The following CEACAM16 variants were observed in gnomAD, a reference collection of about 807,000 sequenced individuals.
The protein encoded by CEACAM16 is CEA cell adhesion molecule 16, tectorial membrane component, also known as cell adhesion molecule CEACAM16.
CEACAM16 carries 30 observed loss-of-function variants against 39.4 expected under a neutral mutation model. The observed-to-expected ratio is 0.76, with a 90% CI of 0.57 to 1.03. The LOEUF is 1.03. Ranked by LOEUF, CEACAM16 falls within the 50% of genes least tolerant of loss-of-function variation. CEACAM16 has a pLI of 0.00. For missense variants in CEACAM16, 521 were observed against 585.3 expected (o/e 0.89, Z 1.13); for synonymous variants, 262 against 264.9 (o/e 0.99, Z 0.11).
chr19:44,710,429 C>T lies in CEACAM16; in HGVS notation c.1268-67C>T, dbSNP rs57684876. 396,133 of 1,560,570 alleles carry T rather than the reference C, an allele frequency of 0.25. 53,194 individuals carry two copies. The highest frequency in any genetic ancestry group is 0.4 in the African/African-American group (29,781 of 73,824). ...GGCAGGGGAGCAGAAGGGGTGGGGG[C>T]ACTGGGGACCTGGTCCTCCATCTCT... On this transcript the variant is annotated intron_variant, in intron 6 of 6. Coordinates refer to ENST00000587331, the MANE Select transcript of CEACAM16 (RefSeq NM_001039213.4).
chr19:44,705,507 C>T (rs1021684577), intron 4 of CEACAM16, 83 bp from the exon 5 acceptor site: 10 of 1,428,992 alleles, frequency 7.0e-6, no homozygotes, highest in Admixed American at 2.3e-5. Context: ...AGGGACCTAG[C>T]TTGGTGGAGA....
rs543881691 is a variant in CEACAM16, at chr19:44,708,111, C to A, written c.1191C>A (p.Asp397Glu). The stretch of plus-strand genomic sequence containing the variant: ...TGGTGCAGAAGCTGAACCTCACAGA[C>A]ACTGGCCGCTACACACTCAAGACTG... ...SLLVQKLNLT[D>E]TGRYTLKTVT... Residue 397 changes from aspartate (D) to glutamate (E), a missense_variant, in exon 6 of 7, where the codon GAC (aspartate) becomes GAA (glutamate). Asp to Glu is a conservative substitution (Grantham distance 45). Coordinates refer to ENST00000587331, the MANE Select transcript of CEACAM16 (RefSeq NM_001039213.4). 352 of 1,609,814 alleles carry A rather than the reference C, an allele frequency of 2.2e-4. No individual in the cohort carries two copies. Among genetic ancestry groups the A allele is most frequent in the Non-Finnish European group, 2.9e-4 (343 of 1,178,292 alleles).
In CEACAM16 at chr19:44,708,183, G is replaced by A. The variant is rs1466664251; in HGVS notation, c.1263G>A (p.Val421=). 1.3e-6 allele frequency: 2 copies of A among 1,566,704 alleles called. No homozygotes were observed. The highest frequency in any genetic ancestry group is 1.7e-6 in the Non-Finnish European group (2 of 1,148,788). ...AGACACTGGAAGTGGAGCTGCAGGT[G>A]GCCCGTGAGTGTGTGGGAAGGGGCA... is the stretch of plus-strand genomic sequence containing the variant. The part of the protein sequence containing the change: ...KTETLEVELQ[V]APLG The change falls in exon 6 of 7, where the codon GTG becomes GTA. Residue 421 remains valine, a synonymous_variant. Coordinates refer to ENST00000587331, the MANE Select transcript of CEACAM16 (RefSeq NM_001039213.4).
In CEACAM16 at chr19:44,701,117, G is replaced by A. The variant is rs1409381632; in HGVS notation, c.-96-244G>A. Among the ~76,000 whole-genome samples the A allele has an allele frequency of 2.0e-5, 3 of 152,194 alleles. No individual in the cohort carries two copies. Among genetic ancestry groups the A allele is most frequent in the South Asian group, 2.1e-4 (1 of 4,834 alleles). Reference sequence around the variant, plus strand: ...CCTGGGTGGTTGGTAAGAACTACCCGAAAACCTTCCCCTACTTTTCCTCTC... The same window carrying A: ...CCTGGGTGGTTGGTAAGAACTACCCAAAAACCTTCCCCTACTTTTCCTCTC... On this transcript the variant is annotated intron_variant, in intron 1 of 6. Transcript: ENST00000587331. This position sits in a 1 kb window ranked among gnomAD's most constrained non-coding sequence, Gnocchi z 4.0.
Position 44,703,706 on chromosome 19 carries a change from C to G in CEACAM16, c.382+13C>G. 3 of 1,476,184 alleles carry G rather than the reference C, an allele frequency of 2.0e-6. No individual in the cohort carries two copies. The highest frequency in any genetic ancestry group is 2.8e-5 in the South Asian group (2 of 71,776). The allele number at this position is 1,476,184 out of a possible 1,614,324, so 91.4% of individuals were successfully genotyped here. A position where few individuals can be genotyped will look rare whatever the true frequency, so the allele number is the denominator to read the frequency against. On this transcript the variant is annotated intron_variant, in intron 3 of 6. Transcript: ENST00000587331. ...GTGCAGGTCCATGGTGAGACACCCC[C>G]CAACACCCGCCTCTGCCCCAGCTGG...
chr19:44,703,790 TCATCAGGGAAAC>T (rs1974393062), intron 3 of CEACAM16, 97 bp downstream of exon 3: 8 of 1,086,424 alleles, frequency 7.4e-6, no homozygotes, highest in African/African-American at 1.6e-5. Context: ...ATCCAACAAA[TCATCAGGGAAAC>T]CATCAGGGAA....
intron 5 of CEACAM16, 84 bp from the exon 6 acceptor site, chr19:44,707,777 T>G (rs1974472137): frequency 7.9e-7 from 1 of 1,264,846 alleles, no homozygotes; most frequent in Non-Finnish European, 1.1e-6. Flanking sequence ...GCCAGCCAGC[T>G]GGGGGGAGGC....
chr19:44,704,133 CA>C lies in CEACAM16; in HGVS notation c.500del (p.Asn167ThrfsTer51). 1 of 1,596,926 alleles carries C rather than the reference CA, an allele frequency of 6.3e-7. No homozygotes were observed. Among genetic ancestry groups the C allele is most frequent in the Non-Finnish European group, 8.5e-7 (1 of 1,173,060 alleles). On this transcript the variant is annotated frameshift_variant, in exon 4 of 7. Coordinates refer to ENST00000587331, the MANE Select transcript of CEACAM16 (RefSeq NM_001039213.4). LOFTEE classifies it high-confidence loss of function. ...CCACCGCCGAGGTCCGCTGGTTCTT[CA>C]ACGGTGGGGCCCTGCCCGTCGCTCT... The part of the protein sequence containing the change: ...SPTAEVRWFF[N>X]GGALPVALRL...
rs771286099 is a variant in CEACAM16, at chr19:44,710,488, C to T, written c.1268-8C>T. On this transcript the variant is annotated splice_region_variant and splice_polypyrimidine_tract_variant and intron_variant, in intron 6 of 6. Transcript: ENST00000587331. The stretch of plus-strand genomic sequence containing the variant: ...CTCCTTCGCCCCCTCGCCCCATATG[C>T]CCCACAGCCCTGGGGTAACAGCGTG... The T allele has an allele frequency of 1.2e-6, 2 of 1,612,874 alleles. No individual in the cohort carries two copies. Among genetic ancestry groups the T allele is most frequent in the East Asian group, 2.2e-5 (1 of 44,808 alleles).
chr19:44,703,079 G>C (rs1354003632), intron 2 of CEACAM16, among the ~76,000 whole-genome samples: 4 of 152,224 alleles, frequency 2.6e-5, no homozygotes, highest in Non-Finnish European at 4.4e-5. Flanking sequence ...TACCAGGCAG[G>C]TAGACCTGTC....
At chr19:44,700,475 C>T (rs1974327923) in intron 1 of CEACAM16, among the ~76,000 whole-genome samples, 1 of 152,132 alleles carries the variant, frequency 6.6e-6, no homozygotes, top group Non-Finnish European at 1.5e-5. Flanking sequence ...GATGGGGTTT[C>T]GCCATGTTGG....
At chr19:44,704,380 G>A in intron 4 of CEACAM16, 84 bp downstream of exon 4, 2 of 1,410,462 alleles carry the variant, frequency 1.4e-6, no homozygotes, top group Non-Finnish European at 1.9e-6. Context: ...GGGGCCTAAG[G>A]GCACACAGCG....
At chr19:44,704,446 C>T in intron 4 of CEACAM16, 150 bp downstream of exon 4, 2 of 1,040,586 alleles carry the variant, frequency 1.9e-6, no homozygotes, top group South Asian at 3.6e-5. Flanking sequence ...GTGCACTTGC[C>T]CTCGCCAGGT....
intron 1 of CEACAM16, 104 bp downstream of exon 1, chr19:44,699,364 G>A (rs1203086494): frequency 2.0e-6 from 1 of 503,376 alleles, no homozygotes; most frequent in South Asian, 1.5e-5. Flanking sequence ...ACTGAGGCTT[G>A]GCAGAGTCCA....
chr19:44,709,956 T>C (rs1974512885), intron 6 of CEACAM16, among the ~76,000 whole-genome samples: 1 of 152,244 alleles, frequency 6.6e-6, no homozygotes, highest in East Asian at 1.9e-4. Flanking sequence ...TCCATCTGAC[T>C]GAGCATCCCC....
chr19:44,710,401 G>T (rs1274248508), intron 6 of CEACAM16, 95 bp from the exon 7 acceptor site: 2 of 1,411,532 alleles, frequency 1.4e-6, no homozygotes, highest in Non-Finnish European at 9.7e-7. Flanking sequence ...GTGGCCCGGG[G>T]TGGGCAGGGG....
At chr19:44,708,990 T>G (rs1330062942) in intron 6 of CEACAM16, among the ~76,000 whole-genome samples, 1 of 151,646 alleles carries the variant, frequency 6.6e-6, no homozygotes, top group African/African-American at 2.4e-5. Flanking sequence ...CCCCATCAAC[T>G]GGGAGCTTCT....
intron 1 of CEACAM16, among the ~76,000 whole-genome samples, chr19:44,700,924 C>T (rs1045742981): frequency 1.3e-5 from 2 of 152,198 alleles, no homozygotes; most frequent in South Asian, 2.1e-4. Flanking sequence ...TAGCTCATCT[C>T]CATCTGCAAA....
intron 5 of CEACAM16, 146 bp from the exon 6 acceptor site, chr19:44,707,715 G>T: frequency 1.6e-6 from 1 of 626,182 alleles, no homozygotes; most frequent in East Asian, 3.0e-5. Flanking sequence ...CTCCACCACC[G>T]CACAAGTCAC....
Sources: gnomAD v4.1 joint callset for allele counts (sites outside exome capture counted in the v4.1 genomes callset) on GRCh38, gnomAD v4.1.1 for gene constraint, Gnocchi (gnomAD v3.1) non-coding constraint, MANE v1.5 for transcripts, NCBI Gene and HGNC (gene_info 2026-07-23, HGNC 2026-07-21) for gene names.